Variants in TOGARAM1 observed in about 807,000 individuals in gnomAD.
TOGARAM1 encodes TOG array regulator of axonemal microtubules protein 1.
A neutral mutation model predicts 166.6 loss-of-function variants in TOGARAM1; 100 were observed. That is an observed-to-expected ratio of 0.60 (90% CI 0.51 to 0.71). The LOEUF (loss-of-function observed/expected upper bound fraction) is 0.71. Ranked by LOEUF, TOGARAM1 falls within the 30% of genes least tolerant of loss-of-function variation. The pLI, the probability that TOGARAM1 is intolerant of heterozygous loss-of-function variation, is 0.00. For missense variants in TOGARAM1, 2,029 were observed against 2,102.7 expected (o/e 0.96, Z 0.69); for synonymous variants, 758 against 763.8 (o/e 0.99, Z 0.13).
intron 1 of TOGARAM1, among the ~76,000 whole-genome samples, chr14:44,968,490 T>G (rs1020108721): frequency 2.0e-5 from 3 of 152,172 alleles, no homozygotes; most frequent in African/African-American, 7.2e-5. Flanking sequence ...CCTCGTGATC[T>G]GCCCGCCTCG....
chr14:45,039,077 A>G (rs10146384), intron 11 of TOGARAM1, among the ~76,000 whole-genome samples: 7,049 of 151,766 alleles, frequency 0.046, 522 homozygotes, highest in African/African-American at 0.16. Context: ...GCTCCTATCC[A>G]CAGGCAGGTC....
intron 6 of TOGARAM1, among the ~76,000 whole-genome samples, chr14:45,010,290 G>A (rs576793684): frequency 6.6e-6 from 1 of 152,084 alleles, no homozygotes; most frequent in Non-Finnish European, 1.5e-5. Flanking sequence ...TTAGCAGCTT[G>A]TTTTGTACTT....
In TOGARAM1 at chr14:44,972,658, T is replaced by C. The variant is rs114387160; in HGVS notation, c.2046+8191T>C. On this transcript the variant is annotated intron_variant, in intron 1 of 19. Coordinates refer to ENST00000361462, the MANE Select transcript of TOGARAM1 (RefSeq NM_001308120.2). ...TGATAACTTTTCTTGCTCTGAAGTC[T>C]GCTGTGTCTGAAATTAATATAGCTA... Among the ~76,000 whole-genome samples the C allele has an allele frequency of 5.7e-3, 866 of 152,324 alleles. 5 individuals are homozygous for C. Among genetic ancestry groups the C allele is most frequent in the African/African-American group, 0.02 (820 of 41,580 alleles).
At chr14:44,977,161 T>C (rs1886241284) in intron 1 of TOGARAM1, among the ~76,000 whole-genome samples, 1 of 152,024 alleles carries the variant, frequency 6.6e-6, no homozygotes, top group African/African-American at 2.4e-5. Context: ...ATATATATGA[T>C]TGATTGACTA....
At chr14:44,965,572 C>T (rs1217778881) in intron 1 of TOGARAM1, among the ~76,000 whole-genome samples, 1 of 152,044 alleles carries the variant, frequency 6.6e-6, no homozygotes. Flanking sequence ...ATAGGAGATA[C>T]ATATATATTA....
chr14:45,002,413 A>G (rs1377035810), intron 3 of TOGARAM1, among the ~76,000 whole-genome samples: 1 of 152,210 alleles, frequency 6.6e-6, no homozygotes, highest in African/African-American at 2.4e-5. Context: ...AATAGTTATT[A>G]GAGAAGCTGG....
intron 1 of TOGARAM1, among the ~76,000 whole-genome samples, chr14:44,974,782 G>A (rs888796182): frequency 6.7e-6 from 1 of 149,574 alleles, no homozygotes; most frequent in East Asian, 2.0e-4. Flanking sequence ...GGAAAAAAAA[G>A]TTAATACAAC....
chr14:44,982,255 G>T (rs1228956939), intron 1 of TOGARAM1, among the ~76,000 whole-genome samples: 4 of 152,138 alleles, frequency 2.6e-5, no homozygotes, highest in South Asian at 2.1e-4. Flanking sequence ...GGAATATTTA[G>T]ACTTTTAATT....
At chr14:45,010,209 A>G (rs1879709166) in intron 6 of TOGARAM1, among the ~76,000 whole-genome samples, 1 of 152,258 alleles carries the variant, frequency 6.6e-6, no homozygotes, top group Non-Finnish European at 1.5e-5. Flanking sequence ...AGCAGTTCAT[A>G]GAATTAAACT....
intron 11 of TOGARAM1, among the ~76,000 whole-genome samples, chr14:45,035,032 A>G (rs929551306): frequency 6.6e-6 from 1 of 152,224 alleles, no homozygotes; most frequent in African/African-American, 2.4e-5. Flanking sequence ...CAAAACTAAT[A>G]TCTACAGATG....
chr14:45,053,508 G>A (rs997503025), intron 15 of TOGARAM1, among the ~76,000 whole-genome samples: 3 of 152,000 alleles, frequency 2.0e-5, no homozygotes, highest in African/African-American at 4.8e-5. Context: ...TGTAATTTAT[G>A]TCATTTCTCT....
intron 16 of TOGARAM1, among the ~76,000 whole-genome samples, chr14:45,062,157 C>G (rs1488487555): frequency 6.6e-6 from 1 of 152,070 alleles, no homozygotes; most frequent in Non-Finnish European, 1.5e-5. Context: ...GGTTGTTATT[C>G]AAGTGTTCTA....
chr14:44,990,368 T>C (rs569620700), intron 1 of TOGARAM1, among the ~76,000 whole-genome samples: 26 of 152,354 alleles, frequency 1.7e-4, no homozygotes, highest in African/African-American at 6.3e-4. Context: ...TATTATATTG[T>C]GGCACATGAG....
intron 1 of TOGARAM1, among the ~76,000 whole-genome samples, chr14:44,993,285 T>TCAAAAACAAAAA (rs112989574): frequency 6.7e-6 from 1 of 150,206 alleles, no homozygotes; most frequent in Non-Finnish European, 1.5e-5. Context: ...AGAACCTGTC[T>TCAAAAACAAAAA]CAAAAACAAA....
chr14:44,986,489 T>TCTGTTGC (rs1360917602), intron 1 of TOGARAM1, among the ~76,000 whole-genome samples: 1 of 151,986 alleles, frequency 6.6e-6, no homozygotes, highest in Non-Finnish European at 1.5e-5. Flanking sequence ...AAGATCTTGC[T>TCTGTTGC]CTGTTGCCTG....
Position 45,068,597 on chromosome 14 carries a change from C to T in TOGARAM1, c.4923C>T (p.Ile1641=). 1 of 1,612,966 alleles carries T rather than the reference C, an allele frequency of 6.2e-7. No individual in the cohort carries two copies. Among genetic ancestry groups the T allele is most frequent in the Non-Finnish European group, 8.5e-7 (1 of 1,179,454 alleles). Residue 1641 remains isoleucine (I), a synonymous_variant, in exon 18 of 20, where the codon ATC becomes ATT. Transcript: ENST00000361462. ...DNNLNSKNPG[I]YAAATNVVQA... ...ATCTGAATTCCAAGAATCCAGGCAT[C>T]TATGCGGCTGCTACAAATGTTGTTC...
intron 1 of TOGARAM1, among the ~76,000 whole-genome samples, chr14:44,983,047 A>G (rs1886613699): frequency 6.6e-6 from 1 of 152,188 alleles, no homozygotes; most frequent in Non-Finnish European, 1.5e-5. Flanking sequence ...CTTTATTTTT[A>G]AGTAAGGAAC....
chr14:45,059,791 C>G (rs1408831527), intron 16 of TOGARAM1, among the ~76,000 whole-genome samples: 3 of 152,068 alleles, frequency 2.0e-5, no homozygotes, highest in Non-Finnish European at 2.9e-5. Context: ...ATTTCATAAA[C>G]TAAAGTAATG....
intron 1 of TOGARAM1, among the ~76,000 whole-genome samples, chr14:44,969,412 A>G (rs538280182): frequency 1.4e-4 from 22 of 152,122 alleles, no homozygotes; most frequent in African/African-American, 4.8e-4. Flanking sequence ...TTGGCCTCCT[A>G]AAGTGCTGGG....
Sources: gnomAD v4.1 joint callset for allele counts (sites outside exome capture counted in the v4.1 genomes callset) on GRCh38, gnomAD v4.1.1 for gene constraint, MANE v1.5 for transcripts, NCBI Gene and HGNC (gene_info 2026-07-23, HGNC 2026-07-21) for gene names.